TSPAN15: variants seen among roughly 807,000 people sequenced by gnomAD.
TSPAN15 encodes tetraspanin 15.
A neutral mutation model predicts 34.5 loss-of-function variants in TSPAN15; 20 were observed. The observed-to-expected ratio is 0.58, with a 90% CI of 0.41 to 0.84. The LOEUF is 0.84. Among genes scored for constraint, TSPAN15 ranks in the 40% least tolerant of loss-of-function variants. The pLI, the probability that TSPAN15 is intolerant of heterozygous loss-of-function variation, is 0.00. For missense variants in TSPAN15, 313 were observed against 386.1 expected (o/e 0.81, Z 1.59); for synonymous variants, 155 against 153.9 (o/e 1.01, Z -0.05).
chr10:69,544,809 C>T, the TSPAN15 span, among the ~76,000 whole-genome samples: 4 of 152,208 alleles, frequency 2.6e-5, no homozygotes, highest in African/African-American at 7.2e-5. Context: ...CGCTCTCCCT[C>T]CCCTTCGACT....
chr10:69,477,038 GC>G (rs34624625), intron 1 of TSPAN15, among the ~76,000 whole-genome samples: 4 of 152,160 alleles, frequency 2.6e-5, no homozygotes, highest in Non-Finnish European at 5.9e-5. Flanking sequence ...GAACCCAGCT[GC>G]CCTGGGGATG....
chr10:69,480,755 T>C (rs1841717229), intron 1 of TSPAN15, among the ~76,000 whole-genome samples: 1 of 152,124 alleles, frequency 6.6e-6, no homozygotes, highest in Non-Finnish European at 1.5e-5. Context: ...TAGAGTGCAG[T>C]GGTGCAATCT....
chr10:69,466,054 C>T (rs1438735311), intron 1 of TSPAN15, among the ~76,000 whole-genome samples: 1 of 152,236 alleles, frequency 6.6e-6, no homozygotes, highest in African/African-American at 2.4e-5. Flanking sequence ...GCAAGCTGAC[C>T]TGAAGTGGCA....
At chr10:69,501,204 G>A (rs931051822) in intron 5 of TSPAN15, among the ~76,000 whole-genome samples, 2 of 152,222 alleles carry the variant, frequency 1.3e-5, no homozygotes, top group Non-Finnish European at 2.9e-5. Flanking sequence ...CATCAGGGGT[G>A]TCAAAGATGC....
chr10:69,481,756 C>T (rs76619218), intron 1 of TSPAN15, among the ~76,000 whole-genome samples: 19,997 of 152,188 alleles, frequency 0.13, 1,732 homozygotes, highest in Non-Finnish European at 0.18. Flanking sequence ...CTGACAGCAC[C>T]ATGTCTTCCA....
chr10:69,500,488 T>C (rs1371097239), intron 5 of TSPAN15, among the ~76,000 whole-genome samples: 1 of 152,214 alleles, frequency 6.6e-6, no homozygotes, highest in Non-Finnish European at 1.5e-5. Flanking sequence ...TCCCAAGATC[T>C]GCAGGGTGAG....
intron 4 of TSPAN15, 61 bp downstream of exon 4, chr10:69,495,750 C>A: frequency 8.2e-7 from 1 of 1,216,668 alleles, no homozygotes; most frequent in Non-Finnish European, 1.2e-6. Flanking sequence ...CCATTCAGGC[C>A]CCTGCTCAAG....
chr10:69,500,965 C>T (rs539978487), intron 5 of TSPAN15, among the ~76,000 whole-genome samples: 8 of 152,210 alleles, frequency 5.3e-5, no homozygotes, highest in East Asian at 3.9e-4. Context: ...AGTGGCAAAC[C>T]GTGGTGACAT....
At chr10:69,487,017 C>T (rs1397737537) in intron 3 of TSPAN15, among the ~76,000 whole-genome samples, 1 of 151,626 alleles carries the variant, frequency 6.6e-6, no homozygotes, top group Non-Finnish European at 1.5e-5. Context: ...ATCTTTATTC[C>T]ATTTGCCCAT....
chr10:69,483,684 G>A lies in TSPAN15; in HGVS notation c.97-7G>A, dbSNP rs752407313. ...TCTCTCTCTCACCCTCTGTTTTCTT[G>A]CTGCAGCTGATTGGGGCCCTGGTCC... On this transcript the variant is annotated splice_polypyrimidine_tract_variant and splice_region_variant and intron_variant, in intron 1 of 7. Coordinates refer to ENST00000373290, the MANE Select transcript of TSPAN15 (RefSeq NM_012339.5). The A allele has an allele frequency of 3.7e-6, 6 of 1,611,728 alleles. No individual in the cohort carries two copies. The African/African-American group carries it at 6.7e-5, about 18-fold the overall frequency.
chr10:69,497,267 G>T (rs555871406), intron 4 of TSPAN15, among the ~76,000 whole-genome samples: 1 of 152,184 alleles, frequency 6.6e-6, no homozygotes. Context: ...CTACCAGGAC[G>T]TGTACTGCAG....
chr10:69,547,808 G>GACTT, the TSPAN15 span, among the ~76,000 whole-genome samples: 1 of 152,210 alleles, frequency 6.6e-6, no homozygotes, highest in Non-Finnish European at 1.5e-5. Flanking sequence ...CTACCCTGAT[G>GACTT]ACTTCTATTG....
intron 1 of TSPAN15, among the ~76,000 whole-genome samples, chr10:69,452,967 A>C (rs1452043419): frequency 6.6e-6 from 1 of 152,214 alleles, no homozygotes; most frequent in Non-Finnish European, 1.5e-5. Flanking sequence ...CTTGCCTGGT[A>C]ATCGGAGATC....
At chr10:69,501,886 A>C (rs569273795) in intron 5 of TSPAN15, among the ~76,000 whole-genome samples, 1 of 152,262 alleles carries the variant, frequency 6.6e-6, no homozygotes, top group African/African-American at 2.4e-5. Flanking sequence ...CTGTGCATGC[A>C]AGGGACCTAG....
intron 3 of TSPAN15, among the ~76,000 whole-genome samples, chr10:69,486,223 C>G (rs1316302486): frequency 6.6e-6 from 1 of 152,184 alleles, no homozygotes. Flanking sequence ...AGGGCTCCAT[C>G]TTTCCTCCCA....
At chr10:69,457,353 C>T (rs1049121654) in intron 1 of TSPAN15, among the ~76,000 whole-genome samples, 43 of 152,190 alleles carry the variant, frequency 2.8e-4, no homozygotes, top group African/African-American at 9.2e-4. Context: ...GGGTGTAACC[C>T]GCAGTGGTCA....
the TSPAN15 span, among the ~76,000 whole-genome samples, chr10:69,542,908 G>A: frequency 6.6e-6 from 1 of 152,178 alleles, no homozygotes; most frequent in Non-Finnish European, 1.5e-5. Context: ...GACAGACCTG[G>A]GTTTGAAAGT....
chr10:69,539,017 A>G, the TSPAN15 span, among the ~76,000 whole-genome samples: 2 of 152,178 alleles, frequency 1.3e-5, no homozygotes, highest in Non-Finnish European at 2.9e-5. Context: ...TGGGAGTCAA[A>G]TGAAGGCTGA....
At chr10:69,453,300 G>A (rs1196969488) in intron 1 of TSPAN15, among the ~76,000 whole-genome samples, 3 of 152,138 alleles carry the variant, frequency 2.0e-5, no homozygotes, top group East Asian at 1.9e-4. Context: ...ATTTACATAA[G>A]CTTAATTGTA....
Sources: allele counts gnomAD v4.1 joint callset (sites outside exome capture counted in the v4.1 genomes callset), GRCh38; gene constraint gnomAD v4.1.1; transcripts MANE v1.5; gene names NCBI Gene and HGNC (gene_info 2026-07-23, HGNC 2026-07-21).